Variants in DNAH17 observed in about 807,000 individuals in gnomAD.
The protein encoded by DNAH17 is axonemal beta dynein heavy chain 17.
Under a neutral mutation model 485.6 loss-of-function variants are expected in DNAH17, and 376 were observed. The ratio of observed to expected loss-of-function variants is 0.77; its 90% CI spans 0.71 to 0.84. DNAH17 has a LOEUF of 0.84. DNAH17 is among the 40% of genes least tolerant of loss of function. The pLI is 0.00. For missense variants in DNAH17, 6,370 were observed against 5,839.3 expected (o/e 1.09, Z -2.96); for synonymous variants, 3,031 against 2,405.9 (o/e 1.26, Z -7.60).
At chr17:78,559,068 T>C (rs565730489) in intron 13 of DNAH17, among the ~76,000 whole-genome samples, 2 of 152,224 alleles carry the variant, frequency 1.3e-5, no homozygotes, top group Non-Finnish European at 2.9e-5. Flanking sequence ...CTTCTCAATT[T>C]ACCCTCAGTT....
chr17:78,458,084 G>A (rs1268031826), intron 62 of DNAH17, among the ~76,000 whole-genome samples: 2 of 152,198 alleles, frequency 1.3e-5, no homozygotes, highest in Admixed American at 6.5e-5. Flanking sequence ...GATTACAGGC[G>A]TGAGCCACTG....
At chr17:78,539,933 T>C (rs1161646117) in intron 17 of DNAH17, 53 bp from the exon 18 acceptor site, 13 of 1,506,616 alleles carry the variant, frequency 8.6e-6, no homozygotes, top group Non-Finnish European at 1.2e-5. Context: ...TGCTTGCTCT[T>C]TGATCACACT....
At chr17:78,559,239 G>A (rs534867719) in intron 13 of DNAH17, among the ~76,000 whole-genome samples, 8 of 152,130 alleles carry the variant, frequency 5.3e-5, no homozygotes, top group South Asian at 2.1e-4. Context: ...AGCCTCTCTC[G>A]TGACTTCCAG....
chr17:78,544,056 G>C (rs1332058143), intron 16 of DNAH17, 59 bp from the exon 17 acceptor site: 4 of 1,607,670 alleles, frequency 2.5e-6, no homozygotes, highest in East Asian at 2.2e-5. Context: ...TTCAGTCGCA[G>C]TCCTTTGCTG....
chr17:78,456,973 C>T (rs1351748830), intron 62 of DNAH17, among the ~76,000 whole-genome samples: 1 of 152,222 alleles, frequency 6.6e-6, no homozygotes, highest in African/African-American at 2.4e-5. Context: ...CCTGTGAGAA[C>T]AGGAAAGGCA....
chr17:78,546,912 A>AG (rs1555691076), intron 16 of DNAH17, among the ~76,000 whole-genome samples: 1 of 7,744 alleles, frequency 1.3e-4, no homozygotes, highest in South Asian at 4.0e-3. Flanking sequence ...CTCAAGAAAG[A>AG]AAAAAAAAAA....
At chr17:78,451,342 G>A (rs1235022209) in intron 66 of DNAH17, 127 bp downstream of exon 66, 2 of 810,606 alleles carry the variant, frequency 2.5e-6, no homozygotes, top group South Asian at 1.8e-5. Context: ...GACACACTGA[G>A]GCACCTTCAG....
intron 44 of DNAH17, among the ~76,000 whole-genome samples, chr17:78,489,099 G>A (rs902876413): frequency 3.9e-5 from 6 of 152,274 alleles, no homozygotes; most frequent in Non-Finnish European, 7.4e-5. Context: ...CCGGCACAGA[G>A]GCACCCAGGC....
At chr17:78,561,081 G>C in intron 12 of DNAH17, 146 bp from the exon 13 acceptor site, 1 of 757,118 alleles carries the variant, frequency 1.3e-6, no homozygotes, top group Non-Finnish European at 2.1e-6. Flanking sequence ...ATGCAAACAA[G>C]CAGTGGCCAG....
chr17:78,431,558 C>T lies in DNAH17; in HGVS notation c.12226-2258G>A, dbSNP rs146142745. ...AACGTTCCATCAGACTTTTGTGTTC[C>T]GTTCGCATGGGAATCCCTGATCTAT... On this transcript the variant is annotated intron_variant, in intron 75 of 80. Transcript: ENST00000389840. Among the ~76,000 whole-genome samples, 372 of 151,782 alleles carry T rather than the reference C, an allele frequency of 2.5e-3. 4 individuals are homozygous for T. Among genetic ancestry groups the T allele is most frequent in the African/African-American group, 8.6e-3 (357 of 41,296 alleles).
intron 7 of DNAH17, 54 bp downstream of exon 7, chr17:78,570,193 A>G: frequency 6.6e-7 from 1 of 1,523,246 alleles, no homozygotes; most frequent in Non-Finnish European, 8.9e-7. Context: ...TGAACCGGGG[A>G]GGGGACCCAG....
intron 69 of DNAH17, among the ~76,000 whole-genome samples, chr17:78,447,970 G>A (rs374204247): frequency 9.2e-5 from 14 of 152,206 alleles, no homozygotes; most frequent in Admixed American, 6.5e-4. Context: ...TCGGGAGTTC[G>A]AGACCAGCCT....
chr17:78,461,371 C>T (rs1225516215), intron 58 of DNAH17, among the ~76,000 whole-genome samples, 173 bp downstream of exon 58: 1 of 152,154 alleles, frequency 6.6e-6, no homozygotes, highest in African/African-American at 2.4e-5. Flanking sequence ...GAGCGGGGGC[C>T]CTCCCCTGGG....
intron 74 of DNAH17, among the ~76,000 whole-genome samples, chr17:78,435,555 A>G (rs2086827402): frequency 6.6e-6 from 1 of 152,128 alleles, no homozygotes; most frequent in African/African-American, 2.4e-5. Flanking sequence ...GCTGGAAGTG[A>G]AGGCCCAGTC....
rs1262119333 is a variant in DNAH17 at position 78,459,813 on chromosome 17, G to A, written c.9624C>T (p.His3208=). 1.9e-6 allele frequency: 3 copies of A among 1,613,928 alleles called. No homozygotes were observed. The highest frequency in any genetic ancestry group is 2.2e-5 in the East Asian group (1 of 44,898). The stretch of plus-strand genomic sequence containing the variant: ...AGGCCTTCAGGCAGGCCTCAGGGAT[G>A]TGCTCCTTGTCGAACTTCTTCAGGG... The part of the protein sequence containing the change: ...LDSLKKFDKE[H]IPEACLKAFK... The change falls in exon 60 of 81, where the codon CAC becomes CAT. Residue 3208 remains histidine, a synonymous_variant. Coordinates refer to ENST00000389840, the MANE Select transcript of DNAH17 (RefSeq NM_173628.4).
intron 75 of DNAH17, among the ~76,000 whole-genome samples, chr17:78,432,424 T>C (rs2086708487): frequency 6.6e-6 from 1 of 152,134 alleles, no homozygotes; most frequent in East Asian, 1.9e-4. Context: ...CAGTGGCATC[T>C]ATGGCCCATG....
Position 78,544,060 on chromosome 17 carries a change from T to C in DNAH17, c.2392-63A>G, listed in dbSNP as rs2091682190. Reference sequence around the variant, plus strand: ...GAGAAACTGCTTTCAGTCGCAGTCCTTTGCTGTGTGCTTTTGATGTGAGTT... The same window carrying C: ...GAGAAACTGCTTTCAGTCGCAGTCCCTTGCTGTGTGCTTTTGATGTGAGTT... On this transcript the variant is annotated intron_variant, in intron 16 of 80. Coordinates refer to ENST00000389840, the MANE Select transcript of DNAH17 (RefSeq NM_173628.4). 1.9e-6 allele frequency: 3 copies of C among 1,607,176 alleles called. No homozygotes were observed. In the South Asian group the frequency reaches 3.3e-5, roughly 18 times the overall value.
intron 14 of DNAH17, among the ~76,000 whole-genome samples, chr17:78,555,138 T>G (rs2143595979): frequency 6.6e-6 from 1 of 152,174 alleles, no homozygotes; most frequent in East Asian, 1.9e-4. Flanking sequence ...GAAAGAGAAA[T>G]AGAGTATAAG....
At chr17:78,498,429 A>T (rs1290357616) in intron 37 of DNAH17, among the ~76,000 whole-genome samples, 1 of 152,234 alleles carries the variant, frequency 6.6e-6, no homozygotes, top group Non-Finnish European at 1.5e-5. Flanking sequence ...CACCTGAGGC[A>T]TTTGTTTAAA....
Sources: gnomAD v4.1 joint callset for allele counts (sites outside exome capture counted in the v4.1 genomes callset) on GRCh38, gnomAD v4.1.1 for gene constraint, MANE v1.5 for transcripts, NCBI Gene and HGNC (gene_info 2026-07-23, HGNC 2026-07-21) for gene names.